PALM2AKAP2: variants seen among roughly 807,000 people sequenced by gnomAD.
PALM2AKAP2 encodes PALM2-AKAP2 fusion protein.
In PALM2AKAP2, 37 loss-of-function variants were observed where a neutral mutation model predicts 71.5. The observed-to-expected ratio is 0.52, with a 90% CI of 0.40 to 0.68. The LOEUF (loss-of-function observed/expected upper bound fraction) is 0.68, where lower values mean the gene tolerates loss of function less well. Ranked by LOEUF, PALM2AKAP2 falls within the 30% of genes least tolerant of loss-of-function variation. The pLI is 0.00. For missense variants in PALM2AKAP2, 1,224 were observed against 1,191.8 expected (o/e 1.03, Z -0.40); for synonymous variants, 468 against 478.8 (o/e 0.98, Z 0.29).
intron 1 of PALM2AKAP2, among the ~76,000 whole-genome samples, chr9:109,730,866 A>G (rs1018858311): frequency 6.6e-6 from 1 of 152,176 alleles, no homozygotes; most frequent in Non-Finnish European, 1.5e-5. Flanking sequence ...CAATCTTTCT[A>G]ACCAACAACA....
chr9:109,720,861 TC>T (rs1828394431), intron 1 of PALM2AKAP2, among the ~76,000 whole-genome samples: 1 of 152,230 alleles, frequency 6.6e-6, no homozygotes, highest in East Asian at 1.9e-4. Flanking sequence ...CTTACTGTGT[TC>T]CTGGCATTAT....
intron 1 of PALM2AKAP2, among the ~76,000 whole-genome samples, chr9:109,800,472 T>A (rs1364252540): frequency 6.6e-6 from 1 of 152,158 alleles, no homozygotes; most frequent in African/African-American, 2.4e-5. Flanking sequence ...TCTGTCTGGC[T>A]CCAAACCCAT....
intron 6 of PALM2AKAP2, among the ~76,000 whole-genome samples, chr9:109,987,372 G>A (rs142928078): frequency 0.012 from 1,756 of 151,934 alleles, 39 homozygotes; most frequent in African/African-American, 0.04. Flanking sequence ...CTTGTGATTC[G>A]CCCACCTCAG....
chr9:109,887,356 C>G (rs552522755), intron 3 of PALM2AKAP2, among the ~76,000 whole-genome samples: 1 of 152,332 alleles, frequency 6.6e-6, no homozygotes, highest in South Asian at 2.1e-4. Flanking sequence ...GGGGAACACT[C>G]CACAGTGGCA....
chr9:109,705,440 C>G (rs538581872), intron 1 of PALM2AKAP2, among the ~76,000 whole-genome samples: 2 of 152,152 alleles, frequency 1.3e-5, no homozygotes, highest in Non-Finnish European at 2.9e-5. Context: ...CTGGCACCAT[C>G]GCTACTATGT....
intron 1 of PALM2AKAP2, among the ~76,000 whole-genome samples, chr9:109,811,237 A>T (rs889777852): frequency 2.0e-5 from 3 of 152,174 alleles, no homozygotes; most frequent in African/African-American, 2.4e-5. Flanking sequence ...ATTGGATTTA[A>T]TCTGAGTTGG....
chr9:110,037,989 C>A (rs1833442976), intron 7 of PALM2AKAP2, among the ~76,000 whole-genome samples: 1 of 152,066 alleles, frequency 6.6e-6, no homozygotes, highest in South Asian at 2.1e-4. Flanking sequence ...CATTGCTCAT[C>A]CCAAATTAAA....
intron 6 of PALM2AKAP2, among the ~76,000 whole-genome samples, chr9:109,941,321 G>T (rs1222910369): frequency 1.3e-5 from 2 of 152,140 alleles, no homozygotes; most frequent in African/African-American, 4.8e-5. Context: ...AAAAAGCAAG[G>T]CTGTTGTGCA....
chr9:109,766,811 G>T (rs944724885), intron 1 of PALM2AKAP2, among the ~76,000 whole-genome samples: 2 of 152,144 alleles, frequency 1.3e-5, no homozygotes, highest in African/African-American at 2.4e-5. Flanking sequence ...ATTGTCCTCA[G>T]TTTACCCAGG....
intron 1 of PALM2AKAP2, among the ~76,000 whole-genome samples, chr9:110,087,187 G>T (rs151258498): frequency 6.6e-6 from 1 of 152,134 alleles, no homozygotes; most frequent in Non-Finnish European, 1.5e-5. Flanking sequence ...AGCTTTATCA[G>T]CCCTTGCTAT....
intron 6 of PALM2AKAP2, among the ~76,000 whole-genome samples, 181 bp downstream of exon 6, chr9:109,932,209 A>G (rs144558530): frequency 6.6e-6 from 1 of 152,344 alleles, no homozygotes; most frequent in Non-Finnish European, 1.5e-5. Flanking sequence ...TGGGTAACTG[A>G]GGACCAAATG....
chr9:109,975,318 G>A (rs1333224334), intron 6 of PALM2AKAP2, among the ~76,000 whole-genome samples: 1 of 152,154 alleles, frequency 6.6e-6, no homozygotes, highest in Non-Finnish European at 1.5e-5. Flanking sequence ...AATGGTCCAA[G>A]AACCAGGGGC....
intron 3 of PALM2AKAP2, among the ~76,000 whole-genome samples, chr9:109,909,651 A>G (rs1296332547): frequency 6.6e-6 from 1 of 152,234 alleles, no homozygotes. Context: ...AGTTGGTGGT[A>G]GAAATATGTC....
At chr9:109,666,063 G>T (rs1034284090) in intron 1 of PALM2AKAP2, among the ~76,000 whole-genome samples, 4 of 152,196 alleles carry the variant, frequency 2.6e-5, no homozygotes, top group African/African-American at 7.2e-5. Flanking sequence ...GTATTTGGGC[G>T]GGAGTGTCCT....
chr9:109,753,635 T>C (rs1257834575), intron 1 of PALM2AKAP2, among the ~76,000 whole-genome samples: 1 of 152,176 alleles, frequency 6.6e-6, no homozygotes, highest in Non-Finnish European at 1.5e-5. Flanking sequence ...ACTGTTCAGA[T>C]TCATTTTGGA....
chr9:110,064,632 C>T (rs1015818904), intron 1 of PALM2AKAP2, among the ~76,000 whole-genome samples: 5 of 152,250 alleles, frequency 3.3e-5, no homozygotes, highest in African/African-American at 1.2e-4. Context: ...CTTACTGCCA[C>T]GGCAGCTCTC....
At chr9:109,855,849 G>T (rs1829148601) in intron 1 of PALM2AKAP2, among the ~76,000 whole-genome samples, 1 of 152,134 alleles carries the variant, frequency 6.6e-6, no homozygotes. Context: ...GAGACTGATG[G>T]AATTATAATA....
intron 1 of PALM2AKAP2, chr9:109,760,757 T>C (rs560195552): frequency 1.3e-5 from 2 of 152,318 alleles, no homozygotes; most frequent in East Asian, 3.9e-4. Flanking sequence ...TATTGTTAAA[T>C]GAACTCACGA....
intron 1 of PALM2AKAP2, among the ~76,000 whole-genome samples, chr9:109,747,769 A>G (rs555504160): frequency 4.0e-4 from 61 of 152,228 alleles, no homozygotes; most frequent in African/African-American, 1.3e-3. Context: ...TCCCAGACTC[A>G]ATGGATTCTC....
Sources: gnomAD v4.1 joint callset for allele counts (sites outside exome capture counted in the v4.1 genomes callset) on GRCh38, gnomAD v4.1.1 for gene constraint, MANE v1.5 for transcripts, NCBI Gene and HGNC (gene_info 2026-07-23, HGNC 2026-07-21) for gene names.